The following ADGRB3 variants were observed in gnomAD, a reference collection of about 807,000 sequenced individuals.
ADGRB3 encodes the protein adhesion G protein-coupled receptor B3.
In ADGRB3, 37 loss-of-function variants were observed where a neutral mutation model predicts 193.4. The ratio of observed to expected loss-of-function variants is 0.19; its 90% CI spans 0.15 to 0.25. The LOEUF (loss-of-function observed/expected upper bound fraction) is 0.25, where lower values mean the gene tolerates loss of function less well. Among genes scored for constraint, ADGRB3 ranks in the 10% least tolerant of loss-of-function variants. The probability of loss-of-function intolerance (pLI) is 1.00; values close to 1 mark genes in which losing one functional copy is unlikely to be tolerated. For synonymous variants in ADGRB3, 690 were observed against 644.2 expected (o/e 1.07, Z -1.08); for missense variants, 1,637 against 1,852.9 (o/e 0.88, Z 2.14).
At chr6:68,971,768 T>G (rs3798979) in intron 8 of ADGRB3, among the ~76,000 whole-genome samples, 1 of 152,120 alleles carries the variant, frequency 6.6e-6, no homozygotes, top group Non-Finnish European at 1.5e-5. Flanking sequence ...TACATACTTA[T>G]TGAGGCTCCA....
At chr6:69,123,539 T>G (rs1393259343) in intron 17 of ADGRB3, among the ~76,000 whole-genome samples, 3 of 152,108 alleles carry the variant, frequency 2.0e-5, no homozygotes, top group African/African-American at 7.2e-5. Context: ...TGGATGGAGA[T>G]AGATAATAAA....
At chr6:69,096,135 A>T (rs1453244211) in intron 17 of ADGRB3, among the ~76,000 whole-genome samples, 1 of 152,226 alleles carries the variant, frequency 6.6e-6, no homozygotes, top group East Asian at 1.9e-4. Flanking sequence ...AAGTGTTTTA[A>T]AATGACAAGG....
At chr6:68,950,961 G>A (rs780963239) in intron 6 of ADGRB3, among the ~76,000 whole-genome samples, 5 of 152,070 alleles carry the variant, frequency 3.3e-5, no homozygotes, top group Non-Finnish European at 5.9e-5. Context: ...CTGGTCGCAT[G>A]GCCTATAGGG....
At chr6:69,247,328 A>T (rs1250173725) in intron 20 of ADGRB3, among the ~76,000 whole-genome samples, 1 of 152,122 alleles carries the variant, frequency 6.6e-6, no homozygotes, top group Admixed American at 6.6e-5. Flanking sequence ...GCAGATGCGG[A>T]TGAGTTATAA....
At chr6:69,082,662 G>A (rs1386821215) in intron 17 of ADGRB3, among the ~76,000 whole-genome samples, 1 of 151,908 alleles carries the variant, frequency 6.6e-6, no homozygotes, top group Non-Finnish European at 1.5e-5. Context: ...TTTCTTTTAT[G>A]CATATTTTTG....
intron 27 of ADGRB3, among the ~76,000 whole-genome samples, chr6:69,355,416 C>G (rs1278068893): frequency 6.6e-6 from 1 of 152,046 alleles, no homozygotes; most frequent in Non-Finnish European, 1.5e-5. Context: ...ACATTACAAG[C>G]AATATATTCA....
chr6:68,868,435 A>C (rs546481423), intron 3 of ADGRB3, among the ~76,000 whole-genome samples: 1 of 152,322 alleles, frequency 6.6e-6, no homozygotes, highest in South Asian at 2.1e-4. Context: ...TCTTCTTTAT[A>C]GCAATGTGAA....
intron 13 of ADGRB3, among the ~76,000 whole-genome samples, chr6:69,035,676 G>A (rs776970720): frequency 6.6e-6 from 1 of 152,110 alleles, no homozygotes; most frequent in South Asian, 2.1e-4. Context: ...AATAGGAAAG[G>A]CACAACAATG....
chr6:69,122,329 A>G (rs966184819), intron 17 of ADGRB3, among the ~76,000 whole-genome samples: 10 of 151,392 alleles, frequency 6.6e-5, no homozygotes, highest in African/African-American at 1.2e-4. Flanking sequence ...CGCGCCTGTA[A>G]TCCCAGGCAC....
chr6:69,152,294 A>C (rs1473768351), intron 17 of ADGRB3, among the ~76,000 whole-genome samples: 2 of 152,222 alleles, frequency 1.3e-5, no homozygotes, highest in African/African-American at 4.8e-5. Context: ...TTGCTTCTGT[A>C]GTTTTCACAC....
intron 3 of ADGRB3, among the ~76,000 whole-genome samples, chr6:68,773,901 A>G (rs1766687828): frequency 6.6e-6 from 1 of 152,094 alleles, no homozygotes; most frequent in Non-Finnish European, 1.5e-5. Context: ...ATAGAGGGAA[A>G]AAGAAAGCCT....
intron 13 of ADGRB3, among the ~76,000 whole-genome samples, chr6:69,038,075 T>C (rs1349983809): frequency 2.0e-5 from 3 of 152,226 alleles, no homozygotes; most frequent in Middle Eastern, 3.4e-3. Context: ...TCAATAGAGG[T>C]TTGTTGGATA....
chr6:68,715,911 C>T (rs979937082), intron 3 of ADGRB3, among the ~76,000 whole-genome samples: 1 of 151,668 alleles, frequency 6.6e-6, no homozygotes, highest in Non-Finnish European at 1.5e-5. Flanking sequence ...TACACTCTTT[C>T]TTGGAGTAGG....
intron 3 of ADGRB3, among the ~76,000 whole-genome samples, chr6:68,909,514 A>G (rs1306775663): frequency 6.6e-6 from 1 of 152,208 alleles, no homozygotes; most frequent in African/African-American, 2.4e-5. Flanking sequence ...AACAAATTTT[A>G]TCCTTCTACT....
At chr6:69,010,773 TA>T (rs10579619) in intron 11 of ADGRB3, among the ~76,000 whole-genome samples, 19,490 of 135,910 alleles carry the variant, frequency 0.14, 1,914 homozygotes, top group East Asian at 0.6. Flanking sequence ...CAAGGCTGAC[TA>T]AAAAAAAAAA....
At chr6:68,850,992 T>A (rs1768387516) in intron 3 of ADGRB3, among the ~76,000 whole-genome samples, 1 of 151,984 alleles carries the variant, frequency 6.6e-6, no homozygotes, top group Non-Finnish European at 1.5e-5. Context: ...AATGTGTTAT[T>A]TAATAATATG....
At chr6:68,864,971 T>C (rs1179727611) in intron 3 of ADGRB3, among the ~76,000 whole-genome samples, 3 of 152,196 alleles carry the variant, frequency 2.0e-5, no homozygotes, top group African/African-American at 7.2e-5. Flanking sequence ...CTATATCTCT[T>C]AAATTCTCGT....
chr6:69,326,521 C>T (rs937425109), intron 21 of ADGRB3, among the ~76,000 whole-genome samples: 1 of 152,052 alleles, frequency 6.6e-6, no homozygotes, highest in African/African-American at 2.4e-5. Flanking sequence ...TCCGTATTTA[C>T]AGCTAATATT....
At chr6:68,741,843 C>A (rs1463175698) in intron 3 of ADGRB3, among the ~76,000 whole-genome samples, 4 of 152,130 alleles carry the variant, frequency 2.6e-5, no homozygotes, top group African/African-American at 9.7e-5. Flanking sequence ...TTTAAAAATT[C>A]TTTTCAGCAT....
Sources: allele counts gnomAD v4.1 joint callset (sites outside exome capture counted in the v4.1 genomes callset), GRCh38; gene constraint gnomAD v4.1.1; transcripts MANE v1.5; gene names NCBI Gene and HGNC (gene_info 2026-07-23, HGNC 2026-07-21).